PRKCE: variants seen among roughly 807,000 people sequenced by gnomAD.
PRKCE encodes protein kinase C epsilon, also known as protein kinase C epsilon type.
Under a neutral mutation model 85.4 loss-of-function variants are expected in PRKCE, and 16 were observed. That is an observed-to-expected ratio of 0.19 (90% CI 0.13 to 0.28). The LOEUF is 0.28. Ranked by LOEUF, PRKCE falls within the 10% of genes least tolerant of loss-of-function variation. The pLI is 1.00. For synonymous variants in PRKCE, 388 were observed against 371.5 expected (o/e 1.04, Z -0.51); for missense variants, 573 against 975.2 (o/e 0.59, Z 5.49).
At position 46,145,182 on chromosome 2, in the gene PRKCE, G is replaced by A; in HGVS notation, c.1682G>A (p.Gly561Asp). 6.3e-7 allele frequency: 1 copy of A among 1,599,748 alleles called. No homozygotes were observed. Residue 561 changes from glycine to aspartate, a missense_variant, in exon 12 of 15, where the codon GGT becomes GAT. Gly to Asp is a moderately conservative substitution (Grantham distance 94, BLOSUM62 -1). Around this residue, in one of 11 missense-constraint regions of PRKCE, gnomAD observed 15 missense variants for 42.2 expected, o/e 0.36. Coordinates refer to ENST00000306156, the MANE Select transcript of PRKCE (RefSeq NM_005400.3). The surrounding 1 kb of genome is among the most constrained non-coding windows in gnomAD (Gnocchi z 4.6). ...FGMCKEGILN[G>D]VTTTTFCGTP... ...ATGTGCAAGGAAGGGATTCTGAATG[G>A]TGTGACGACCACCACGTTCTGTGGG...
At chr2:45,681,573 C>G (rs925481967) in intron 1 of PRKCE, among the ~76,000 whole-genome samples, 2 of 152,188 alleles carry the variant, frequency 1.3e-5, no homozygotes, top group Admixed American at 1.3e-4. Context: ...TGATTAATGT[C>G]CCACTTGACT....
chr2:46,085,929 G>C (rs1474809603), intron 10 of PRKCE, among the ~76,000 whole-genome samples: 1 of 152,106 alleles, frequency 6.6e-6, no homozygotes, highest in African/African-American at 2.4e-5. Flanking sequence ...AAAAATCAAA[G>C]ATCCAGGTCT....
intron 10 of PRKCE, among the ~76,000 whole-genome samples, chr2:46,040,523 G>A (rs1708156643): frequency 6.6e-6 from 1 of 152,068 alleles, no homozygotes; most frequent in Non-Finnish European, 1.5e-5. Context: ...GTGGGGCCTG[G>A]GGGAGCACTC....
intron 1 of PRKCE, among the ~76,000 whole-genome samples, chr2:45,761,194 G>A (rs1260866254): frequency 6.6e-6 from 1 of 151,944 alleles, no homozygotes; most frequent in Non-Finnish European, 1.5e-5. Flanking sequence ...GAGTGTGGTG[G>A]TGGGCGCCTG....
rs1684023145 is a variant in PRKCE, at chr2:45,756,574, A to G, written c.349-86426A>G. Among the ~76,000 whole-genome samples, 3 of 152,234 alleles carry G rather than the reference A, an allele frequency of 2.0e-5. No homozygotes were observed. The South Asian group carries it at 6.2e-4, about 32-fold the overall frequency. ...GCAGCTTCACTTGTAATAGTCTTAA[A>G]CTGGAAACAACCCAATCTTTCATCA... On this transcript the variant is annotated intron_variant, in intron 1 of 14. Coordinates refer to ENST00000306156, the MANE Select transcript of PRKCE (RefSeq NM_005400.3).
chr2:45,654,754 A>G (rs144256313), intron 1 of PRKCE, among the ~76,000 whole-genome samples: 2 of 152,316 alleles, frequency 1.3e-5, no homozygotes, highest in Admixed American at 6.5e-5. Flanking sequence ...CAGAATGCCC[A>G]TCTGTTTTCA....
chr2:46,184,912 T>C lies in PRKCE; in HGVS notation c.*31T>C. ...CACTGCAGTTGGACTTTGCCGATGC[T>C]GCAAGAAGGGGTGCAGAGAAGACTC... On this transcript the variant is annotated 3_prime_UTR_variant, in exon 15 of 15. Coordinates refer to ENST00000306156, the MANE Select transcript of PRKCE (RefSeq NM_005400.3). The surrounding 1 kb of genome is among the most constrained non-coding windows in gnomAD (Gnocchi z 5.0). The C allele has an allele frequency of 6.3e-7, 1 of 1,599,060 alleles. No homozygotes were observed. Among genetic ancestry groups the C allele is most frequent in the Non-Finnish European group, 8.5e-7 (1 of 1,179,540 alleles).
At chr2:46,108,003 G>A (rs1366890684) in intron 11 of PRKCE, among the ~76,000 whole-genome samples, 1 of 152,110 alleles carries the variant, frequency 6.6e-6, no homozygotes, top group African/African-American at 2.4e-5. Context: ...ATCCTAGCTC[G>A]CTTAACCTTG....
At chr2:46,045,695 A>G (rs998235552) in intron 10 of PRKCE, among the ~76,000 whole-genome samples, 2 of 152,182 alleles carry the variant, frequency 1.3e-5, no homozygotes, top group African/African-American at 4.8e-5. Flanking sequence ...CCTGGCCAAC[A>G]TGGTGAAGCC....
At chr2:46,036,535 A>G (rs1707873745) in intron 10 of PRKCE, among the ~76,000 whole-genome samples, 1 of 152,144 alleles carries the variant, frequency 6.6e-6, no homozygotes, top group Admixed American at 6.6e-5. Context: ...GACTGCAGTG[A>G]GCCATGATCG....
At chr2:45,941,065 T>TAAA (rs397781944) in intron 2 of PRKCE, among the ~76,000 whole-genome samples, 810 of 67,052 alleles carry the variant, frequency 0.012, 40 homozygotes, top group Non-Finnish European at 0.014. Context: ...GACTTCATCC[T>TAAA]AAAAAAAAAA....
rs1680546165 is a variant in PRKCE at position 46,187,692 on chromosome 2, G to GA, written c.*2817dup. ...ACATAATTTTTTTTCCTCCAAAGGT[G>GA]AAAAAACAATGCATTCTTGCTTTAA... On this transcript the variant is annotated 3_prime_UTR_variant, in exon 15 of 15. Transcript: ENST00000306156. The GA allele has an allele frequency of 6.7e-6, 1 of 148,914 alleles. No homozygotes were observed. Among genetic ancestry groups the GA allele is most frequent in the Non-Finnish European group, 1.5e-5 (1 of 67,338 alleles). 9.2% of individuals were successfully genotyped at this position (148,914 alleles called of 1,614,324 possible).
intron 1 of PRKCE, among the ~76,000 whole-genome samples, chr2:45,770,300 A>G (rs1685214088): frequency 6.6e-6 from 1 of 152,096 alleles, no homozygotes; most frequent in Non-Finnish European, 1.5e-5. Context: ...GGTAAAAACC[A>G]TGCTTCCTCT....
intron 10 of PRKCE, among the ~76,000 whole-genome samples, chr2:46,050,179 A>C (rs1362394683): frequency 6.6e-6 from 1 of 152,258 alleles, no homozygotes; most frequent in Non-Finnish European, 1.5e-5. Flanking sequence ...AATCACATTT[A>C]CCGTTCACAA....
chr2:45,714,563 G>T (rs1679934281), intron 1 of PRKCE, among the ~76,000 whole-genome samples: 1 of 152,228 alleles, frequency 6.6e-6, no homozygotes, highest in African/African-American at 2.4e-5. Context: ...GACAGTGAGT[G>T]TCTTTCTGTC....
At chr2:45,894,311 T>A (rs1695966882) in intron 2 of PRKCE, among the ~76,000 whole-genome samples, 1 of 151,702 alleles carries the variant, frequency 6.6e-6, no homozygotes, top group Non-Finnish European at 1.5e-5. Context: ...AGGAAACTGA[T>A]TACTTTGAGC....
intron 11 of PRKCE, among the ~76,000 whole-genome samples, chr2:46,140,965 C>A (rs1241577859): frequency 5.3e-5 from 8 of 152,122 alleles, no homozygotes; most frequent in African/African-American, 1.9e-4. Flanking sequence ...CTGTTTTCAC[C>A]TATCAAACTA....
intron 10 of PRKCE, among the ~76,000 whole-genome samples, chr2:46,062,826 G>C (rs1163651716): frequency 1.3e-5 from 2 of 151,912 alleles, no homozygotes; most frequent in African/African-American, 2.4e-5. Flanking sequence ...ACGTTGTTTC[G>C]CTATGTTGGC....
intron 2 of PRKCE, among the ~76,000 whole-genome samples, chr2:45,908,219 T>C (rs1558820369): frequency 6.6e-6 from 1 of 152,148 alleles, no homozygotes; most frequent in Non-Finnish European, 1.5e-5. Flanking sequence ...TCATTGGCCC[T>C]ATGGATCTGC....
Sources: gnomAD v4.1 joint callset for allele counts (sites outside exome capture counted in the v4.1 genomes callset) on GRCh38, gnomAD v4.1.1 for gene constraint, gnomAD v4.1.1 regional missense constraint, Gnocchi (gnomAD v3.1) non-coding constraint, MANE v1.5 for transcripts, NCBI Gene and HGNC (gene_info 2026-07-23, HGNC 2026-07-21) for gene names.